Variants in TDP1 observed in about 807,000 individuals in gnomAD.
TDP1 encodes tyrosyl-DNA phosphodiesterase 1, also known as tyr-DNA phosphodiesterase 1.
TDP1 carries 64 observed loss-of-function variants against 81.5 expected under a neutral mutation model. The ratio of observed to expected loss-of-function variants is 0.79; its 90% CI spans 0.64 to 0.97. The LOEUF (loss-of-function observed/expected upper bound fraction) is 0.97, where lower values mean the gene tolerates loss of function less well. TDP1 is among the 50% of genes least tolerant of loss of function. The pLI is 0.00. For missense variants in TDP1, 723 were observed against 743.8 expected, an observed-to-expected ratio of 0.97 and a Z score of 0.33; for synonymous variants, 256 against 264.3, an observed-to-expected ratio of 0.97 and a Z score of 0.30.
chr14:89,963,496 GAAAATCA>G lies in TDP1; in HGVS notation c.383_389del (p.Glu128ValfsTer83), dbSNP rs1362634410. ...CAATGACGGCACTGCCCAAAGAACT[GAAAATCA>G]TGGCGCTCCCGCCTGCCACAGGCTC... On this transcript the variant is annotated frameshift_variant, in exon 3 of 17. Coordinates refer to ENST00000335725, the MANE Select transcript of TDP1 (RefSeq NM_018319.4). LOFTEE classifies it high-confidence loss of function. 3 of 1,603,780 alleles carry G rather than the reference GAAAATCA, an allele frequency of 1.9e-6. No individual in the cohort carries two copies. The highest frequency in any genetic ancestry group is 2.6e-6 in the Non-Finnish European group (3 of 1,174,720).
intron 14 of TDP1, among the ~76,000 whole-genome samples, chr14:90,014,487 A>G (rs1052260628): frequency 6.6e-6 from 1 of 152,200 alleles, no homozygotes; most frequent in Non-Finnish European, 1.5e-5. Flanking sequence ...ACGTCAGTAC[A>G]GCTGCTTGGT....
At position 90,033,130 on chromosome 14, in the gene TDP1, CAG is replaced by C. The variant is rs761224666; in HGVS notation, c.1671_1672del (p.Lys558ValfsTer17). ...GGGTCTAGACAGTTTCAAAGTGAAACAGAAGTTCTTCGCTGGCAGCCAGGAGC... is the reference window on the plus strand; with the variant it reads ...GGGTCTAGACAGTTTCAAAGTGAAACAAGTTCTTCGCTGGCAGCCAGGAGC... ...AFGLDSFKVK[Q>X]KFFAGSQEPM... On this transcript the variant is annotated frameshift_variant, in exon 16 of 17. Transcript: ENST00000335725. LOFTEE classifies it high-confidence loss of function. 9.3e-6 allele frequency: 15 copies of C among 1,612,154 alleles called. No homozygotes were observed. The highest frequency in any genetic ancestry group is 1.3e-5 in the African/African-American group (1 of 74,708).
chr14:90,003,591 G>A (rs1162324061), intron 14 of TDP1, among the ~76,000 whole-genome samples: 2 of 152,178 alleles, frequency 1.3e-5, no homozygotes, highest in Non-Finnish European at 2.9e-5. Flanking sequence ...TGGCTAAGAG[G>A]ATAGTGCCTA....
In TDP1 at chr14:89,966,268, AG is replaced by A. The variant is rs760371329; in HGVS notation, c.603+80del. The A allele has an allele frequency of 1.9e-4, 188 of 973,840 alleles. 1 individual carries two copies. The highest frequency in any genetic ancestry group is 2.9e-4 in the Non-Finnish European group (176 of 600,956). 60.3% of individuals were successfully genotyped at this position (973,840 alleles called of 1,614,324 possible). A position where few individuals can be genotyped will look rare whatever the true frequency, so the allele number is the denominator to read the frequency against. ...AAACAACTCCATAAGAAAATATGAG[AG>A]GCATAGTTTGGGGATCTCAGTCCTG... On this transcript the variant is annotated intron_variant, in intron 4 of 16. Transcript: ENST00000335725.
intron 10 of TDP1, chr14:89,986,953 A>T (rs1895638623): frequency 6.6e-6 from 1 of 152,262 alleles, no homozygotes; most frequent in Non-Finnish European, 1.5e-5. Context: ...AAGTGGATAC[A>T]GTTTCCAAAT....
chr14:90,020,447 C>A (rs1401068419), intron 15 of TDP1, among the ~76,000 whole-genome samples: 1 of 132,822 alleles, frequency 7.5e-6, no homozygotes, highest in Non-Finnish European at 1.6e-5. Context: ...ATGCTTTGCC[C>A]ACATGATCAG....
chr14:89,989,545 T>G lies in TDP1; in HGVS notation c.1318-172T>G, dbSNP rs1301135057. 3 of 695,044 alleles carry G rather than the reference T, an allele frequency of 4.3e-6. No individual in the cohort carries two copies. In the African/African-American group the frequency reaches 5.8e-5, roughly 14 times the overall value. The allele number at this position is 695,044 out of a possible 1,614,324, so 43.1% of individuals were successfully genotyped here. A position where few individuals can be genotyped will look rare whatever the true frequency, so the allele number is the denominator to read the frequency against. ...ATTTTACATCAAATATGGTTCCTGT[T>G]GTTTAATTACTAGTTCATTTTTTTC... On this transcript the variant is annotated intron_variant, in intron 11 of 16. Transcript: ENST00000335725.
At chr14:89,961,679 C>G (rs1471686839) in intron 2 of TDP1, among the ~76,000 whole-genome samples, 2 of 152,200 alleles carry the variant, frequency 1.3e-5, no homozygotes, top group African/African-American at 4.8e-5. Context: ...TAAGGTTTCT[C>G]TGGGGTCCCC....
intron 16 of TDP1, among the ~76,000 whole-genome samples, chr14:90,040,193 C>T (rs1001053524): frequency 2.0e-5 from 3 of 152,184 alleles, no homozygotes; most frequent in African/African-American, 7.2e-5. Context: ...TTCTGGTCTC[C>T]TCCCACTGGA....
At chr14:89,969,164 A>G (rs909687273) in intron 5 of TDP1, among the ~76,000 whole-genome samples, 13 of 152,116 alleles carry the variant, frequency 8.5e-5, no homozygotes, top group African/African-American at 3.1e-4. Context: ...CCTGTGAGAC[A>G]ATATATTGCT....
chr14:89,994,137 A>G (rs1174125634), intron 14 of TDP1, among the ~76,000 whole-genome samples: 1 of 152,268 alleles, frequency 6.6e-6, no homozygotes, highest in Non-Finnish European at 1.5e-5. Flanking sequence ...ACGATTAGGC[A>G]TCTCTTTATG....
At chr14:90,032,890 T>G in intron 15 of TDP1, 1 of 979,076 alleles carries the variant, frequency 1.0e-6, no homozygotes, top group Non-Finnish European at 1.2e-6. Flanking sequence ...TATAACTTAA[T>G]TCCTGAAAAT....
In TDP1 at chr14:89,993,499, A is replaced by C; in HGVS notation, c.1541+16A>C. The C allele has an allele frequency of 6.2e-7, 1 of 1,611,530 alleles. No homozygotes were observed. Among genetic ancestry groups the C allele is most frequent in the Middle Eastern group, 1.7e-4 (1 of 6,054 alleles). ...TTGTCACAAGGTAAATAGTCCTTAC[A>C]TTCCTGATGGGAGAAATCTTTTTAA... On this transcript the variant is annotated intron_variant, in intron 14 of 16. Coordinates refer to ENST00000335725, the MANE Select transcript of TDP1 (RefSeq NM_018319.4).
intron 14 of TDP1, among the ~76,000 whole-genome samples, chr14:90,007,564 G>C (rs1884182698): frequency 6.6e-6 from 1 of 152,096 alleles, no homozygotes; most frequent in South Asian, 2.1e-4. Context: ...ACTCCAACCT[G>C]GGTAATAGAG....
intron 2 of TDP1, among the ~76,000 whole-genome samples, chr14:89,960,832 G>C (rs1381145329): frequency 2.6e-5 from 4 of 152,162 alleles, no homozygotes; most frequent in Non-Finnish European, 5.9e-5. Context: ...TTGTGAAAAG[G>C]GATAGATACC....
intron 5 of TDP1, among the ~76,000 whole-genome samples, chr14:89,968,832 A>C (rs1289530397): frequency 6.6e-6 from 1 of 152,204 alleles, no homozygotes; most frequent in Non-Finnish European, 1.5e-5. Context: ...GTTATGAGTT[A>C]AATTATCTCA....
At chr14:90,034,943 C>T (rs1887668477) in intron 16 of TDP1, among the ~76,000 whole-genome samples, 1 of 152,174 alleles carries the variant, frequency 6.6e-6, no homozygotes, top group Non-Finnish European at 1.5e-5. Context: ...CTCTGTCGCA[C>T]TAACCTTCCC....
At chr14:89,994,024 A>G (rs1328686248) in intron 14 of TDP1, among the ~76,000 whole-genome samples, 1 of 152,174 alleles carries the variant, frequency 6.6e-6, no homozygotes, top group African/African-American at 2.4e-5. Flanking sequence ...CCTATAAGAA[A>G]CCACCTACCT....
Position 89,983,779 on chromosome 14 carries a change from A to G in TDP1, c.885-737A>G, listed in dbSNP as rs36115705. On this transcript the variant is annotated intron_variant, in intron 8 of 16. Coordinates refer to ENST00000335725, the MANE Select transcript of TDP1 (RefSeq NM_018319.4). ...GATTAGATATGATTGTTTTCTATTT[A>G]TGGATATAATGTAGAAGTTTTGGCA... 3.9e-3 allele frequency among the ~76,000 whole-genome samples: 589 copies of G among 152,304 alleles called. 3 individuals are homozygous for G. The highest frequency in any genetic ancestry group is 0.014 in the African/African-American group (568 of 41,556).
Sources: gnomAD v4.1 joint callset for allele counts (sites outside exome capture counted in the v4.1 genomes callset) on GRCh38, gnomAD v4.1.1 for gene constraint, MANE v1.5 for transcripts, NCBI Gene and HGNC (gene_info 2026-07-23, HGNC 2026-07-21) for gene names.